The following LDLRAD4 variants were observed in gnomAD, a reference collection of about 807,000 sequenced individuals.
The protein encoded by LDLRAD4 is low density lipoprotein receptor class A domain containing 4, also known as low-density lipoprotein receptor class A domain-containing protein 4.
Under a neutral mutation model 17.0 loss-of-function variants are expected in LDLRAD4, and 5 were observed. That is an observed-to-expected ratio of 0.29 (90% CI 0.15 to 0.62). LDLRAD4 has a LOEUF of 0.62. Among genes scored for constraint, LDLRAD4 ranks in the 20% least tolerant of loss-of-function variants. The pLI is 0.84. For synonymous variants in LDLRAD4, 168 were observed against 171.8 expected (o/e 0.98, Z 0.17); for missense variants, 340 against 424.7 (o/e 0.80, Z 1.75).
intron 1 of LDLRAD4, among the ~76,000 whole-genome samples, chr18:13,242,978 C>T (rs1049976779): frequency 1.3e-5 from 2 of 152,224 alleles, no homozygotes; most frequent in Non-Finnish European, 1.5e-5. Context: ...TTCTCCCTGC[C>T]GGCCTGCTCT....
chr18:13,512,192 A>G (rs1451289151), intron 3 of LDLRAD4, among the ~76,000 whole-genome samples: 1 of 152,170 alleles, frequency 6.6e-6, no homozygotes, highest in African/African-American at 2.4e-5. Flanking sequence ...AAATGTGGCC[A>G]TATTTTAGCT....
At chr18:13,567,593 C>T (rs1193247932) in intron 3 of LDLRAD4, among the ~76,000 whole-genome samples, 1 of 152,188 alleles carries the variant, frequency 6.6e-6, no homozygotes, top group African/African-American at 2.4e-5. Context: ...AGACTATTAG[C>T]ACAAAACCAA....
At position 13,621,585 on chromosome 18, in the gene LDLRAD4, C is replaced by T. The variant is rs555172238; in HGVS notation, c.336+314C>T. Among the ~76,000 whole-genome samples, 1 of 152,326 alleles carries T rather than the reference C, an allele frequency of 6.6e-6. No homozygotes were observed. The highest frequency in any genetic ancestry group is 2.1e-4 in the South Asian group (1 of 4,826). On this transcript the variant is annotated intron_variant, in intron 4 of 5. Coordinates refer to ENST00000359446, the Ensembl canonical transcript of LDLRAD4. The surrounding 1 kb of genome is among the most constrained non-coding windows in gnomAD (Gnocchi z 5.5). ...ACGAACGGGACCGGCCCTGGGTGGT[C>T]CCTCGTGCCTGGCTCCTCTGGCTTG...
At chr18:13,551,908 C>A (rs954387891) in intron 3 of LDLRAD4, among the ~76,000 whole-genome samples, 14 of 152,224 alleles carry the variant, frequency 9.2e-5, no homozygotes, top group African/African-American at 3.4e-4. Context: ...CCTCAGGAAG[C>A]TTCCACTCAT....
chr18:13,503,552 GA>G (rs36091479), intron 3 of LDLRAD4, among the ~76,000 whole-genome samples: 1 of 152,204 alleles, frequency 6.6e-6, no homozygotes, highest in Non-Finnish European at 1.5e-5. Flanking sequence ...GAGAGGACCA[GA>G]AGGGGGCTTC....
At chr18:13,579,623 G>C (rs984890287) in intron 3 of LDLRAD4, among the ~76,000 whole-genome samples, 3 of 152,214 alleles carry the variant, frequency 2.0e-5, no homozygotes, top group African/African-American at 7.2e-5. Context: ...GTGAATTTCA[G>C]GTTTCAACTG....
At chr18:13,562,351 C>T (rs2094550480) in intron 3 of LDLRAD4, among the ~76,000 whole-genome samples, 1 of 152,240 alleles carries the variant, frequency 6.6e-6, no homozygotes, top group Non-Finnish European at 1.5e-5. Context: ...CAACCTACAT[C>T]AGTGAGACCT....
chr18:13,323,517 C>T (rs1195880460), intron 1 of LDLRAD4, among the ~76,000 whole-genome samples: 1 of 152,204 alleles, frequency 6.6e-6, no homozygotes, highest in Non-Finnish European at 1.5e-5. Flanking sequence ...CCTTATTTGA[C>T]AGGGCCGTGA....
intron 3 of LDLRAD4, among the ~76,000 whole-genome samples, chr18:13,604,560 C>T (rs894449808): frequency 6.6e-6 from 1 of 152,172 alleles, no homozygotes; most frequent in Admixed American, 6.5e-5. Flanking sequence ...TATCTAACTC[C>T]TGAGTTAATA....
chr18:13,613,555 A>G (rs528897678), intron 3 of LDLRAD4: 28 of 152,358 alleles, frequency 1.8e-4, no homozygotes, highest in African/African-American at 6.3e-4. Flanking sequence ...GATTTTTTAG[A>G]AAATCCTGTC....
At chr18:13,302,395 G>A (rs975620705) in intron 1 of LDLRAD4, among the ~76,000 whole-genome samples, 1 of 152,296 alleles carries the variant, frequency 6.6e-6, no homozygotes, top group Admixed American at 6.5e-5. Flanking sequence ...TGCTGCGATG[G>A]TATTTCACTT....
intron 3 of LDLRAD4, among the ~76,000 whole-genome samples, chr18:13,478,051 A>G (rs958533840): frequency 6.6e-6 from 1 of 152,184 alleles, no homozygotes; most frequent in Admixed American, 6.5e-5. Context: ...ACAGTGAGGG[A>G]GAAAGACAAG....
intron 1 of LDLRAD4, among the ~76,000 whole-genome samples, chr18:13,318,899 G>A (rs1049008561): frequency 3.3e-5 from 5 of 152,292 alleles, no homozygotes; most frequent in Non-Finnish European, 2.9e-5. Context: ...TCTCCACCAC[G>A]GACCGCAGTC....
At chr18:13,610,094 C>T (rs767770160) in intron 3 of LDLRAD4, among the ~76,000 whole-genome samples, 3 of 151,738 alleles carry the variant, frequency 2.0e-5, no homozygotes, top group African/African-American at 7.3e-5. Flanking sequence ...AGCTGATGGC[C>T]GTTAAATGAA....
chr18:13,351,857 A>G (rs1461716081), intron 1 of LDLRAD4, among the ~76,000 whole-genome samples: 1 of 152,200 alleles, frequency 6.6e-6, no homozygotes, highest in East Asian at 1.9e-4. Flanking sequence ...CAATGCAAAC[A>G]TTTTCAATAA....
intron 3 of LDLRAD4, among the ~76,000 whole-genome samples, chr18:13,517,815 T>C (rs2147595326): frequency 6.6e-6 from 1 of 152,296 alleles, no homozygotes; most frequent in Admixed American, 6.5e-5. Context: ...CTCAGCTCAC[T>C]GCAAGCTCTG....
intron 3 of LDLRAD4, among the ~76,000 whole-genome samples, chr18:13,524,878 G>T (rs1388571822): frequency 6.6e-6 from 1 of 152,188 alleles, no homozygotes; most frequent in African/African-American, 2.4e-5. Context: ...ATCTTAAAAA[G>T]AATTAAAATG....
At chr18:13,632,547 A>T (rs8098425) in intron 4 of LDLRAD4, among the ~76,000 whole-genome samples, 2,504 of 152,268 alleles carry the variant, frequency 0.016, 84 homozygotes, top group African/African-American at 0.056. Flanking sequence ...AAGCTTGGAG[A>T]CACCAGGAAC....
chr18:13,467,484 A>C (rs551748895), intron 3 of LDLRAD4, among the ~76,000 whole-genome samples: 1 of 152,262 alleles, frequency 6.6e-6, no homozygotes, highest in Non-Finnish European at 1.5e-5. Context: ...ATATTGCTGA[A>C]AGAAATTAAA....
Sources: allele counts gnomAD v4.1 joint callset (sites outside exome capture counted in the v4.1 genomes callset), GRCh38; gene constraint gnomAD v4.1.1; non-coding constraint Gnocchi (gnomAD v3.1); transcripts MANE v1.5; gene names NCBI Gene and HGNC (gene_info 2026-07-23, HGNC 2026-07-21).